SLC35D4: variants seen among roughly 807,000 people sequenced by gnomAD.
The protein encoded by SLC35D4 is UDP-N-acetylglucosamine transporter SLC35D4.
At chr18:23,322,967 G>C in the SLC35D4 span, among the ~76,000 whole-genome samples, 2 of 152,162 alleles carry the variant, frequency 1.3e-5, no homozygotes, top group African/African-American at 2.4e-5. Flanking sequence ...CATACTTTTA[G>C]AATGATAGAT....
the SLC35D4 span, chr18:23,297,954 G>A: frequency 1.9e-6 from 3 of 1,595,844 alleles, no homozygotes; most frequent in East Asian, 2.2e-5. Flanking sequence ...GTACACAGGT[G>A]TACAAGCTGT....
the SLC35D4 span, among the ~76,000 whole-genome samples, chr18:23,333,037 G>A: frequency 5.9e-5 from 9 of 152,032 alleles, no homozygotes; most frequent in Non-Finnish European, 1.0e-4. Context: ...TACATTTGCT[G>A]ACATAACATC....
the SLC35D4 span, among the ~76,000 whole-genome samples, chr18:23,300,625 G>A: frequency 6.6e-6 from 1 of 152,226 alleles, no homozygotes; most frequent in Non-Finnish European, 1.5e-5. Flanking sequence ...AGCCAGGGAG[G>A]TGAGCTTTGA....
the SLC35D4 span, among the ~76,000 whole-genome samples, chr18:23,328,352 A>G: frequency 5.9e-5 from 9 of 152,374 alleles, no homozygotes; most frequent in Middle Eastern, 3.4e-3. Flanking sequence ...CAACTTCCGG[A>G]AAGTCTCAGG....
the SLC35D4 span, among the ~76,000 whole-genome samples, chr18:23,421,674 CTTTTT>C: frequency 1.5e-5 from 2 of 136,416 alleles, no homozygotes; most frequent in Non-Finnish European, 1.6e-5. Flanking sequence ...TTCTTCTCCT[CTTTTT>C]TTTTTTTTTT....
the SLC35D4 span, among the ~76,000 whole-genome samples, chr18:23,293,950 G>A: frequency 6.6e-6 from 1 of 151,956 alleles, no homozygotes; most frequent in Non-Finnish European, 1.5e-5. Flanking sequence ...GAGCCACCAT[G>A]CCTGGCTAAT....
the SLC35D4 span, among the ~76,000 whole-genome samples, chr18:23,400,969 T>C: frequency 1.3e-5 from 2 of 152,226 alleles, no homozygotes; most frequent in Non-Finnish European, 2.9e-5. Flanking sequence ...CTGAGAATTA[T>C]CATTAATAGC....
chr18:23,436,622 G>A, the SLC35D4 span, among the ~76,000 whole-genome samples: 15 of 151,806 alleles, frequency 9.9e-5, no homozygotes, highest in African/African-American at 2.9e-4. Context: ...GTGAAACCCC[G>A]TCTCTACTAA....
At chr18:23,278,894 G>C in the SLC35D4 span, among the ~76,000 whole-genome samples, 1 of 151,696 alleles carries the variant, frequency 6.6e-6, no homozygotes, top group African/African-American at 2.4e-5. Context: ...CTCACCTGTG[G>C]TAACAGCTAC....
At chr18:23,429,825 G>A in the SLC35D4 span, among the ~76,000 whole-genome samples, 2 of 152,110 alleles carry the variant, frequency 1.3e-5, no homozygotes, top group African/African-American at 2.4e-5. Context: ...GTGTCTATTC[G>A]TGTACTTTGC....
At chr18:23,313,143 A>AAAAAAAAAAAAAAAAAAAAAAAAAAAAC in the SLC35D4 span, among the ~76,000 whole-genome samples, 1 of 142,852 alleles carries the variant, frequency 7.0e-6, no homozygotes, top group Non-Finnish European at 1.5e-5. Context: ...AAAAAAAAAA[A>AAAAAAAAAAAAAAAAAAAAAAAAAAAAC]AAAAAAAAAA....
At chr18:23,240,609 T>C in the SLC35D4 span, among the ~76,000 whole-genome samples, 2 of 152,318 alleles carry the variant, frequency 1.3e-5, no homozygotes, top group African/African-American at 2.4e-5. Context: ...TGCTCAGTGA[T>C]TGGGGAAGGA....
chr18:23,417,648 T>C, the SLC35D4 span, among the ~76,000 whole-genome samples: 1 of 152,216 alleles, frequency 6.6e-6, no homozygotes, highest in East Asian at 1.9e-4. Flanking sequence ...ATGAATTGTA[T>C]ACTTAAAAAA....
the SLC35D4 span, among the ~76,000 whole-genome samples, chr18:23,396,753 A>C: frequency 6.6e-6 from 1 of 152,164 alleles, no homozygotes; most frequent in Non-Finnish European, 1.5e-5. Flanking sequence ...CATCTCTAAA[A>C]AAAGGCTGTG....
chr18:23,355,035 C>G, the SLC35D4 span, among the ~76,000 whole-genome samples: 24 of 151,962 alleles, frequency 1.6e-4, no homozygotes, highest in African/African-American at 5.1e-4. Flanking sequence ...CCTCCTGAGC[C>G]CCCCCAGAAC....
chr18:23,423,594 C>T, the SLC35D4 span, among the ~76,000 whole-genome samples: 663 of 152,190 alleles, frequency 4.4e-3, 4 homozygotes, highest in Non-Finnish European at 7.4e-3. Context: ...TGAGAAACCC[C>T]GGTCTAGTGA....
the SLC35D4 span, among the ~76,000 whole-genome samples, chr18:23,254,477 AG>A: frequency 6.6e-6 from 1 of 152,264 alleles, no homozygotes; most frequent in East Asian, 1.9e-4. Context: ...TTTGAGGTAC[AG>A]TAAAGCCAAC....
chr18:23,313,944 C>G, the SLC35D4 span, among the ~76,000 whole-genome samples: 1 of 152,352 alleles, frequency 6.6e-6, no homozygotes, highest in Non-Finnish European at 1.5e-5. Flanking sequence ...CTGGCCAGAC[C>G]TTGGCCTTAT....
the SLC35D4 span, among the ~76,000 whole-genome samples, chr18:23,435,256 T>C: frequency 1.3e-5 from 2 of 152,170 alleles, no homozygotes; most frequent in African/African-American, 4.8e-5. Context: ...CTGCTTTTTT[T>C]TTTGCTTAGA....
Sources: allele counts gnomAD v4.1 joint callset (sites outside exome capture counted in the v4.1 genomes callset), GRCh38; gene constraint gnomAD v4.1.1; transcripts MANE v1.5; gene names NCBI Gene and HGNC (gene_info 2026-07-23, HGNC 2026-07-21).